Variants in MARCHF1 observed in about 807,000 individuals in gnomAD.
MARCHF1 encodes E3 ubiquitin-protein ligase MARCHF1.
In MARCHF1, 40 loss-of-function variants were observed where a neutral mutation model predicts 54.2. The observed-to-expected ratio is 0.74, with a 90% CI of 0.57 to 0.96. The LOEUF (loss-of-function observed/expected upper bound fraction) is 0.96, where lower values mean the gene tolerates loss of function less well. Ranked by LOEUF, MARCHF1 falls within the 40% of genes least tolerant of loss-of-function variation. MARCHF1 has a pLI of 0.00. For synonymous variants in MARCHF1, 236 were observed against 236.3 expected (o/e 1.00, Z 0.01); for missense variants, 586 against 656.5 (o/e 0.89, Z 1.17).
chr4:163,649,112 TCTGGTGAATTAGGTAC>T (rs1742871785), intron 5 of MARCHF1, among the ~76,000 whole-genome samples: 1 of 152,050 alleles, frequency 6.6e-6, no homozygotes, highest in Non-Finnish European at 1.5e-5. Context: ...TCACTTTATT[TCTGGTGAATTAGGTAC>T]CTGGTTCAGC....
intron 5 of MARCHF1, among the ~76,000 whole-genome samples, chr4:163,676,767 A>T (rs1022015976): frequency 6.6e-6 from 1 of 152,156 alleles, no homozygotes; most frequent in Non-Finnish European, 1.5e-5. Flanking sequence ...AGAAATAATA[A>T]ATAAAATAAG....
intron 2 of MARCHF1, among the ~76,000 whole-genome samples, chr4:164,054,517 A>G (rs1754445137): frequency 6.6e-6 from 1 of 152,112 alleles, no homozygotes; most frequent in Non-Finnish European, 1.5e-5. Context: ...AAAGACTTGG[A>G]ACCAACCCAA....
In MARCHF1 at chr4:163,922,214, G is replaced by C. The variant is rs1180671432; in HGVS notation, c.-39+66287C>G. ...AGCATCACACGCCGGGGCCTGTTGT[G>C]GGGTGGGGGGAGTGGGGAGGGATAG... On this transcript the variant is annotated intron_variant, in intron 3 of 9. Coordinates refer to ENST00000514618, the MANE Select transcript of MARCHF1 (RefSeq NM_001394959.1). 4.0e-5 allele frequency among the ~76,000 whole-genome samples: 6 copies of C among 151,796 alleles called. No individual in the cohort carries two copies. In the East Asian group the frequency reaches 1.2e-3, roughly 29 times the overall value.
At chr4:164,310,051 T>C (rs1383920619) in intron 1 of MARCHF1, among the ~76,000 whole-genome samples, 3 of 151,888 alleles carry the variant, frequency 2.0e-5, no homozygotes, top group African/African-American at 7.2e-5. Flanking sequence ...GTACATGAGA[T>C]TTTTTAATTC....
intron 4 of MARCHF1, among the ~76,000 whole-genome samples, chr4:163,850,343 C>T (rs1749609207): frequency 6.6e-6 from 1 of 152,166 alleles, no homozygotes; most frequent in Admixed American, 6.6e-5. Context: ...AGGGGCTTGT[C>T]CTCTAGCCTT....
chr4:163,979,325 C>G (rs1752714304), intron 3 of MARCHF1, among the ~76,000 whole-genome samples: 1 of 148,746 alleles, frequency 6.7e-6, no homozygotes, highest in Non-Finnish European at 1.5e-5. Flanking sequence ...CCAATTTCAT[C>G]CATGTCCCTA....
intron 3 of MARCHF1, among the ~76,000 whole-genome samples, chr4:163,933,536 A>G (rs1487396854): frequency 1.3e-5 from 2 of 152,204 alleles, no homozygotes; most frequent in Non-Finnish European, 2.9e-5. Flanking sequence ...TGTATCTGGT[A>G]TTTAAGTAAT....
At chr4:163,853,139 C>T (rs1053158632) in intron 4 of MARCHF1, among the ~76,000 whole-genome samples, 3 of 151,722 alleles carry the variant, frequency 2.0e-5, no homozygotes, top group Non-Finnish European at 4.4e-5. Flanking sequence ...TAATAGCAGC[C>T]CAAACATACT....
chr4:163,848,731 T>A (rs1579337423), intron 4 of MARCHF1, among the ~76,000 whole-genome samples: 1 of 152,164 alleles, frequency 6.6e-6, no homozygotes, highest in African/African-American at 2.4e-5. Flanking sequence ...TAGGTTACAA[T>A]TGTGAGGATA....
chr4:164,367,518 CT>C (rs1313803397), intron 1 of MARCHF1, among the ~76,000 whole-genome samples: 1 of 151,702 alleles, frequency 6.6e-6, no homozygotes, highest in Non-Finnish European at 1.5e-5. Context: ...CTAGAAATAA[CT>C]TCGTTTTTAT....
intron 3 of MARCHF1, among the ~76,000 whole-genome samples, chr4:163,971,725 G>T: frequency 6.6e-6 from 1 of 152,150 alleles, no homozygotes; most frequent in East Asian, 1.9e-4. Context: ...CAGAACCTTT[G>T]TTCCTGTGTT....
chr4:163,530,970 A>G (rs574274034), intron 9 of MARCHF1, among the ~76,000 whole-genome samples: 2 of 151,950 alleles, frequency 1.3e-5, no homozygotes, highest in Non-Finnish European at 2.9e-5. Flanking sequence ...ATATCCCTAG[A>G]TCTATTAAAG....
intron 1 of MARCHF1, among the ~76,000 whole-genome samples, chr4:164,215,792 C>G (rs560767685): frequency 4.3e-4 from 65 of 152,158 alleles, no homozygotes; most frequent in Non-Finnish European, 7.8e-4. Flanking sequence ...TCCTAAAGAA[C>G]TATATTACAT....
chr4:163,768,188 T>C (rs1002155801), intron 4 of MARCHF1, among the ~76,000 whole-genome samples: 2 of 152,224 alleles, frequency 1.3e-5, no homozygotes, highest in Non-Finnish European at 2.9e-5. Flanking sequence ...GCTTGCGCAA[T>C]CTATGATAAT....
At chr4:163,868,510 C>T (rs1750103290) in intron 3 of MARCHF1, among the ~76,000 whole-genome samples, 1 of 151,908 alleles carries the variant, frequency 6.6e-6, no homozygotes, top group Non-Finnish European at 1.5e-5. Flanking sequence ...TTGAATACAT[C>T]AAACATTAGG....
chr4:164,191,069 C>T (rs1328569718), intron 1 of MARCHF1, among the ~76,000 whole-genome samples: 1 of 152,206 alleles, frequency 6.6e-6, no homozygotes, highest in African/African-American at 2.4e-5. Context: ...TCTTTGCATA[C>T]TGAAAAGAAT....
chr4:164,244,927 A>G (rs997802096), intron 1 of MARCHF1, among the ~76,000 whole-genome samples: 1 of 152,122 alleles, frequency 6.6e-6, no homozygotes, highest in African/African-American at 2.4e-5. Flanking sequence ...GAATCTCTGA[A>G]TAGACCAATA....
chr4:164,245,221 C>T (rs1043823234), intron 1 of MARCHF1, among the ~76,000 whole-genome samples: 1 of 152,118 alleles, frequency 6.6e-6, no homozygotes, highest in African/African-American at 2.4e-5. Context: ...AAAATACTGG[C>T]AAAATGAATC....
At chr4:163,731,482 T>G (rs915370910) in intron 4 of MARCHF1, among the ~76,000 whole-genome samples, 2 of 152,182 alleles carry the variant, frequency 1.3e-5, no homozygotes, top group Admixed American at 1.3e-4. Flanking sequence ...GGAGAAAGTT[T>G]CCAGGGCATG....
Sources: gnomAD v4.1 joint callset for allele counts (sites outside exome capture counted in the v4.1 genomes callset) on GRCh38, gnomAD v4.1.1 for gene constraint, MANE v1.5 for transcripts, NCBI Gene and HGNC (gene_info 2026-07-23, HGNC 2026-07-21) for gene names.